PLCB4: variants seen among roughly 807,000 people sequenced by gnomAD.
PLCB4 encodes phospholipase C beta 4.
PLCB4 carries 77 observed loss-of-function variants against 178.8 expected under a neutral mutation model. That is an observed-to-expected ratio of 0.43 (90% CI 0.36 to 0.52). The LOEUF (loss-of-function observed/expected upper bound fraction) is 0.52. Ranked by LOEUF, PLCB4 falls within the 20% of genes least tolerant of loss-of-function variation. The pLI, the probability that PLCB4 is intolerant of heterozygous loss-of-function variation, is 0.00. For missense variants in PLCB4, 1,024 were observed against 1,453.4 expected (o/e 0.70, Z 4.80); for synonymous variants, 496 against 490.8 (o/e 1.01, Z -0.14).
intron 9 of PLCB4, among the ~76,000 whole-genome samples, chr20:9,370,503 T>A (rs2206136): frequency 0.51 from 76,904 of 152,016 alleles, 21,789 homozygotes; most frequent in African/African-American, 0.79. Context: ...CTAGGCCCAG[T>A]TATTGTCAAC....
At chr20:9,340,051 T>G (rs998268612) in intron 7 of PLCB4, among the ~76,000 whole-genome samples, 19 of 152,180 alleles carry the variant, frequency 1.2e-4, no homozygotes, top group African/African-American at 4.6e-4. Context: ...GCATTTTGTC[T>G]TCTCATTAAC....
intron 2 of PLCB4, among the ~76,000 whole-genome samples, chr20:9,128,213 T>G (rs1352616630): frequency 6.6e-6 from 1 of 151,962 alleles, no homozygotes; most frequent in Non-Finnish European, 1.5e-5. Context: ...CTTCTCTCTC[T>G]CTCAGTCCCA....
At chr20:9,159,391 A>T (rs981807883) in intron 2 of PLCB4, among the ~76,000 whole-genome samples, 3 of 152,158 alleles carry the variant, frequency 2.0e-5, no homozygotes, top group Admixed American at 2.0e-4. Flanking sequence ...TTAACATAGG[A>T]TTATTATATA....
chr20:9,431,257 T>G (rs1367799176), intron 28 of PLCB4, among the ~76,000 whole-genome samples: 4 of 152,068 alleles, frequency 2.6e-5, no homozygotes, highest in Non-Finnish European at 4.4e-5. Context: ...TTCTTCCCTG[T>G]GACTCCATGT....
chr20:9,368,216 A>G (rs7271172), intron 9 of PLCB4, among the ~76,000 whole-genome samples: 9,514 of 152,236 alleles, frequency 0.062, 932 homozygotes, highest in African/African-American at 0.21. Flanking sequence ...GCATTAAACC[A>G]AAATTTAATA....
At chr20:9,228,955 C>T (rs1262941942) in intron 3 of PLCB4, among the ~76,000 whole-genome samples, 1 of 152,196 alleles carries the variant, frequency 6.6e-6, no homozygotes, top group Non-Finnish European at 1.5e-5. Flanking sequence ...AGCCAGAACT[C>T]ACCACTAGGT....
intron 7 of PLCB4, among the ~76,000 whole-genome samples, chr20:9,354,831 A>G (rs537055118): frequency 6.6e-6 from 1 of 152,306 alleles, no homozygotes; most frequent in African/African-American, 2.4e-5. Flanking sequence ...TACTAAATCC[A>G]ACTCTGTGGT....
intron 3 of PLCB4, among the ~76,000 whole-genome samples, chr20:9,286,542 G>A (rs1301367488): frequency 6.6e-6 from 1 of 152,036 alleles, no homozygotes; most frequent in Non-Finnish European, 1.5e-5. Flanking sequence ...GAGGCCAAGA[G>A]AGAAAATGCC....
intron 4 of PLCB4, among the ~76,000 whole-genome samples, chr20:9,309,211 A>G (rs1223863424): frequency 2.0e-5 from 3 of 152,092 alleles, no homozygotes; most frequent in Admixed American, 6.6e-5. Flanking sequence ...CCAGTTTCCA[A>G]CATACAGCGT....
chr20:9,261,901 A>C, intron 3 of PLCB4, among the ~76,000 whole-genome samples: 1 of 152,220 alleles, frequency 6.6e-6, no homozygotes, highest in East Asian at 1.9e-4. Context: ...TTTAAGACAA[A>C]GATGAATCTA....
intron 30 of PLCB4, among the ~76,000 whole-genome samples, chr20:9,441,722 G>C (rs1382986076): frequency 6.6e-6 from 1 of 152,146 alleles, no homozygotes; most frequent in Non-Finnish European, 1.5e-5. Flanking sequence ...TCCCGTGGAA[G>C]GGATAAATTC....
intron 3 of PLCB4, among the ~76,000 whole-genome samples, chr20:9,274,116 GA>G (rs1008153672): frequency 1.1e-4 from 16 of 151,074 alleles, no homozygotes; most frequent in Admixed American, 9.2e-4. Context: ...GTATTTCAAA[GA>G]AAAAAAAATT....
intron 2 of PLCB4, among the ~76,000 whole-genome samples, chr20:9,192,539 T>C (rs1353533227): frequency 6.7e-6 from 1 of 150,234 alleles, no homozygotes; most frequent in Non-Finnish European, 1.5e-5. Flanking sequence ...TTTTTTTTTT[T>C]TTTTGAGATA....
chr20:9,333,648 A>C (rs563170125), intron 4 of PLCB4, among the ~76,000 whole-genome samples: 2 of 152,300 alleles, frequency 1.3e-5, no homozygotes, highest in South Asian at 4.1e-4. Context: ...AAGTTTAAAG[A>C]ATCAATCTGG....
At chr20:9,194,767 T>C (rs2093449801) in intron 2 of PLCB4, among the ~76,000 whole-genome samples, 2 of 151,622 alleles carry the variant, frequency 1.3e-5, no homozygotes, top group South Asian at 4.2e-4. Flanking sequence ...ATCTGTAAAA[T>C]TGTATCTCTC....
At chr20:9,346,027 T>C (rs2033759201) in intron 7 of PLCB4, among the ~76,000 whole-genome samples, 1 of 152,192 alleles carries the variant, frequency 6.6e-6, no homozygotes, top group Non-Finnish European at 1.5e-5. Flanking sequence ...CTGCAAAGCC[T>C]CCAAGCCCTG....
intron 2 of PLCB4, among the ~76,000 whole-genome samples, chr20:9,193,194 G>A (rs2093427267): frequency 6.6e-6 from 1 of 152,226 alleles, no homozygotes; most frequent in Non-Finnish European, 1.5e-5. Flanking sequence ...AGATTTGAGT[G>A]CAAGTGACTT....
intron 2 of PLCB4, among the ~76,000 whole-genome samples, chr20:9,101,914 G>T (rs971395537): frequency 6.6e-6 from 1 of 150,404 alleles, no homozygotes; most frequent in Non-Finnish European, 1.5e-5. Context: ...GCATGATCTC[G>T]GCTCACTGCA....
intron 3 of PLCB4, among the ~76,000 whole-genome samples, chr20:9,252,654 A>T (rs528575195): frequency 5.7e-4 from 87 of 152,304 alleles, no homozygotes; most frequent in African/African-American, 2.0e-3. Context: ...TATTCTGCAT[A>T]TGTCAATGAG....
Sources: gnomAD v4.1 joint callset for allele counts (sites outside exome capture counted in the v4.1 genomes callset) on GRCh38, gnomAD v4.1.1 for gene constraint, MANE v1.5 for transcripts, NCBI Gene and HGNC (gene_info 2026-07-23, HGNC 2026-07-21) for gene names.